The following CDC123 variants were observed in gnomAD, a reference collection of about 807,000 sequenced individuals.
CDC123 encodes the protein translation initiation factor eIF2 assembly protein.
In CDC123, 37 loss-of-function variants were observed where a neutral mutation model predicts 54.4. The observed-to-expected ratio is 0.68, with a 90% CI of 0.52 to 0.89. The LOEUF (loss-of-function observed/expected upper bound fraction) is 0.89, where lower values mean the gene tolerates loss of function less well. Ranked by LOEUF, CDC123 falls within the 40% of genes least tolerant of loss-of-function variation. CDC123 has a pLI of 0.00. For synonymous variants in CDC123, 144 were observed against 136.8 expected (o/e 1.05, Z -0.37); for missense variants, 361 against 412.1 (o/e 0.88, Z 1.07).
chr10:12,237,162 A>G lies in CDC123; in HGVS notation c.584A>G (p.Tyr195Cys). Reference protein sequence around the residue: ...NKLIGISQRDYTQYYDHISKQ... With the variant: ...NKLIGISQRDCTQYYDHISKQ... Reference sequence around the variant, plus strand: ...TTGTCAGGTATTTCTCAAAGAGACTACACACAATACTATGATCATATTTCT... The same window carrying G: ...TTGTCAGGTATTTCTCAAAGAGACTGCACACAATACTATGATCATATTTCT... The change falls in exon 9 of 13, where the codon TAC (tyrosine) becomes TGC (cysteine). Residue 195 changes from tyrosine to cysteine, a missense_variant. Tyr to Cys is a radical substitution (Grantham distance 194, BLOSUM62 -2). Transcript: ENST00000281141. The G allele has an allele frequency of 1.3e-6, 2 of 1,555,940 alleles. No homozygotes were observed.
At chr10:12,202,038 CCT>C (rs1835446983) in intron 2 of CDC123, among the ~76,000 whole-genome samples, 1 of 152,152 alleles carries the variant, frequency 6.6e-6, no homozygotes, top group South Asian at 2.1e-4. Flanking sequence ...CTTTTTGAAA[CCT>C]CACAATCTGT....
chr10:12,249,084 G>A (rs1354910538), intron 11 of CDC123, among the ~76,000 whole-genome samples: 3 of 150,202 alleles, frequency 2.0e-5, no homozygotes, highest in Admixed American at 6.7e-5. Context: ...AACAGAGATC[G>A]TGCCCCTGCA....
At chr10:12,199,190 C>G (rs1026993750) in intron 2 of CDC123, among the ~76,000 whole-genome samples, 2 of 152,180 alleles carry the variant, frequency 1.3e-5, no homozygotes, top group South Asian at 2.1e-4. Flanking sequence ...CGTGGCCCCC[C>G]CTCCACTTTC....
intron 6 of CDC123, among the ~76,000 whole-genome samples, chr10:12,222,348 G>A (rs117450328): frequency 0.028 from 4,204 of 152,258 alleles, 93 homozygotes; most frequent in Non-Finnish European, 0.037. Context: ...GGCCGGGCGC[G>A]GTGGCTCACG....
chr10:12,248,127 T>G (rs188593666), intron 11 of CDC123, among the ~76,000 whole-genome samples: 25 of 152,344 alleles, frequency 1.6e-4, no homozygotes, highest in African/African-American at 6.0e-4. Context: ...CATAGACCTT[T>G]GTAAATAAAT....
intron 2 of CDC123, among the ~76,000 whole-genome samples, chr10:12,205,306 C>A (rs1278865194): frequency 2.6e-5 from 4 of 152,100 alleles, no homozygotes; most frequent in African/African-American, 9.7e-5. Flanking sequence ...ACCACATTTT[C>A]TTTATCCATC....
At position 12,226,215 on chromosome 10, in the gene CDC123, C is replaced by T. The variant is rs944974820; in HGVS notation, c.441-4733C>T. Among the ~76,000 whole-genome samples the T allele has an allele frequency of 7.5e-4, 114 of 152,374 alleles. 1 individual carries two copies. The highest frequency in any genetic ancestry group is 1.9e-4 in the Non-Finnish European group (13 of 68,042). On this transcript the variant is annotated intron_variant, in intron 6 of 12. Coordinates refer to ENST00000281141, the MANE Select transcript of CDC123 (RefSeq NM_006023.3). ...TCTCTTTCCTTTCCCCACACTTCCC[C>T]CCCTTCCACTCAACAAAACCGCCAT...
intron 8 of CDC123, 61 bp from the exon 9 acceptor site, chr10:12,237,083 G>C (rs547757608): frequency 1.3e-5 from 18 of 1,439,186 alleles, no homozygotes; most frequent in Non-Finnish European, 1.6e-5. Flanking sequence ...TTTAAATCAC[G>C]TATTGATGTT....
chr10:12,247,576 A>G (rs12262122), intron 11 of CDC123: 4,513 of 151,666 alleles, frequency 0.03, 182 homozygotes, highest in South Asian at 0.099. Context: ...TCTTTTTGCA[A>G]TTCTTCCTCT....
At chr10:12,223,239 G>A (rs536638683) in intron 6 of CDC123, among the ~76,000 whole-genome samples, 1 of 152,032 alleles carries the variant, frequency 6.6e-6, no homozygotes, top group African/African-American at 2.4e-5. Context: ...CAGCACGAGA[G>A]AAACGGTGTG....
chr10:12,217,439 G>A lies in CDC123; in HGVS notation c.412G>A (p.Asp138Asn), dbSNP rs1319396144. 6.2e-6 allele frequency: 10 copies of A among 1,613,708 alleles called. No homozygotes were observed. The highest frequency in any genetic ancestry group is 3.3e-5 in the Admixed American group (2 of 59,972). Residue 138 changes from aspartate (D) to asparagine (N), a missense_variant, in exon 6 of 13, where the codon GAT becomes AAT. Coordinates refer to ENST00000281141, the MANE Select transcript of CDC123 (RefSeq NM_006023.3). ...SDIFLLFKSSDFITRDFTQPF... is the reference protein window; with the variant it reads ...SDIFLLFKSSNFITRDFTQPF... The stretch of plus-strand genomic sequence containing the variant: ...CATCTTTCTGCTTTTCAAGAGTTCC[G>A]ATTTCATCACTCGTGACTTCACTCA...
chr10:12,233,848 A>T (rs1490603557), intron 7 of CDC123, among the ~76,000 whole-genome samples: 1 of 151,988 alleles, frequency 6.6e-6, no homozygotes. Context: ...GATTTTTAAG[A>T]TGAGAAACTT....
At chr10:12,202,078 A>G (rs556682742) in intron 2 of CDC123, among the ~76,000 whole-genome samples, 68 of 152,328 alleles carry the variant, frequency 4.5e-4, no homozygotes, top group Admixed American at 9.2e-4. Flanking sequence ...TAGTGATTTT[A>G]GGTTAGGTTA....
chr10:12,245,337 C>A (rs1836117726), intron 10 of CDC123: 1 of 152,174 alleles, frequency 6.6e-6, no homozygotes, highest in Non-Finnish European at 1.5e-5. Flanking sequence ...CTCACAGTAG[C>A]CTTGACCTCC....
chr10:12,250,205 A>G, intron 12 of CDC123, 106 bp from the exon 13 acceptor site: 2 of 654,834 alleles, frequency 3.1e-6, no homozygotes, highest in South Asian at 2.5e-5. Context: ...TTCCATGACA[A>G]TTTTTAATTA....
intron 8 of CDC123, 132 bp downstream of exon 8, chr10:12,235,255 A>G (rs183505026): frequency 1.4e-6 from 1 of 716,016 alleles, no homozygotes; most frequent in Non-Finnish European, 2.4e-6. Flanking sequence ...TGCCACCTCT[A>G]ACCAGTTGAT....
intron 4 of CDC123, among the ~76,000 whole-genome samples, chr10:12,212,122 A>G (rs774876354): frequency 3.9e-5 from 6 of 152,186 alleles, no homozygotes; most frequent in Non-Finnish European, 8.8e-5. Context: ...ATATGTATAG[A>G]TGATAGATAC....
intron 11 of CDC123, 61 bp from the exon 12 acceptor site, chr10:12,249,520 T>A: frequency 6.5e-7 from 1 of 1,529,334 alleles, no homozygotes; most frequent in Non-Finnish European, 8.9e-7. Flanking sequence ...CTTTTTTAGT[T>A]CACAGAATAG....
intron 3 of CDC123, 39 bp downstream of exon 3, chr10:12,210,063 G>A: frequency 6.3e-7 from 1 of 1,597,820 alleles, no homozygotes; most frequent in Non-Finnish European, 8.6e-7. Flanking sequence ...GTAGACTGTT[G>A]TAATTTAAAT....
Sources: gnomAD v4.1 joint callset for allele counts (sites outside exome capture counted in the v4.1 genomes callset) on GRCh38, gnomAD v4.1.1 for gene constraint, MANE v1.5 for transcripts, NCBI Gene and HGNC (gene_info 2026-07-23, HGNC 2026-07-21) for gene names.